BCAR3: variants seen among roughly 807,000 people sequenced by gnomAD.
BCAR3 encodes the protein breast cancer anti-estrogen resistance protein 3.
A neutral mutation model predicts 80.1 loss-of-function variants in BCAR3; 37 were observed. The ratio of observed to expected loss-of-function variants is 0.46; its 90% CI spans 0.36 to 0.61. The LOEUF (loss-of-function observed/expected upper bound fraction) is 0.61. BCAR3 is among the 20% of genes least tolerant of loss of function. The probability of loss-of-function intolerance (pLI) is 0.00; values close to 1 mark genes in which losing one functional copy is unlikely to be tolerated. For synonymous variants in BCAR3, 389 were observed against 418.9 expected (o/e 0.93, Z 0.87); for missense variants, 978 against 1,068.2 (o/e 0.92, Z 1.18).
intron 2 of BCAR3, among the ~76,000 whole-genome samples, chr1:93,733,070 T>C (rs1184258097): frequency 6.6e-6 from 1 of 152,170 alleles, no homozygotes; most frequent in Non-Finnish European, 1.5e-5. Context: ...TACCAGGTCT[T>C]CTACCAGAGC....
intron 3 of BCAR3, among the ~76,000 whole-genome samples, chr1:93,605,964 T>C (rs1343652197): frequency 6.6e-6 from 1 of 152,112 alleles, no homozygotes; most frequent in African/African-American, 2.4e-5. Context: ...AAATTCTCTC[T>C]CTCCAAAATA....
At chr1:93,813,823 T>G (rs1653928657) in intron 2 of BCAR3, among the ~76,000 whole-genome samples, 1 of 152,224 alleles carries the variant, frequency 6.6e-6, no homozygotes, top group African/African-American at 2.4e-5. Flanking sequence ...GTATTGCTTT[T>G]TTCTCAGCCC....
rs17110107 is a variant in BCAR3 at position 93,576,037 on chromosome 1, C to T, written c.1779G>A (p.Gln593=). 8.7e-6 allele frequency: 14 copies of T among 1,614,180 alleles called. 2 individuals are homozygous for T. Among genetic ancestry groups the T allele is most frequent in the Non-Finnish European group, 1.2e-5 (14 of 1,180,038 alleles). The change falls in exon 8 of 12, where the codon CAG becomes CAA. Residue 593 remains glutamine, a synonymous_variant. Coordinates refer to ENST00000260502, the MANE Select transcript of BCAR3 (RefSeq NM_003567.4). ...ACCTTTCAATTATGTCCAGGCGCAG[C>T]TGGTGTCCGTGAGGCAAGGTAATGA... ...LELITLPHGH[Q]LRLDIIERHN...
At position 93,621,592 on chromosome 1, in the gene BCAR3, G is replaced by A. The variant is rs236310; in HGVS notation, c.357+20712C>T. Among the ~76,000 whole-genome samples the A allele has an allele frequency of 8.1e-3, 1,236 of 152,316 alleles. 16 individuals carry two copies. Among genetic ancestry groups the A allele is most frequent in the African/African-American group, 0.028 (1,152 of 41,562 alleles). On this transcript the variant is annotated intron_variant, in intron 3 of 11. Transcript: ENST00000260502. ...AGCAGGGATGTGGCTGGTAAGAGGA[G>A]GGGATAGATAGCCTTGAGGCAAGTA...
At chr1:93,595,810 C>A (rs1674396092) in intron 3 of BCAR3, among the ~76,000 whole-genome samples, 1 of 152,170 alleles carries the variant, frequency 6.6e-6, no homozygotes, top group African/African-American at 2.4e-5. Flanking sequence ...TTCTTGGGGA[C>A]CAGAAATGAG....
At chr1:93,716,541 C>T (rs1030915921) in intron 2 of BCAR3, among the ~76,000 whole-genome samples, 13 of 152,278 alleles carry the variant, frequency 8.5e-5, no homozygotes, top group Admixed American at 5.9e-4. Context: ...TTCCCCAAAA[C>T]CAGGCCCTAA....
chr1:93,660,907 A>T (rs1647618757), intron 2 of BCAR3, among the ~76,000 whole-genome samples: 1 of 129,880 alleles, frequency 7.7e-6, no homozygotes, highest in African/African-American at 3.0e-5. Context: ...ACGGAGTTTC[A>T]CTCTTGTTGC....
At chr1:93,835,171 C>T (rs185667586) in intron 2 of BCAR3, among the ~76,000 whole-genome samples, 8 of 152,262 alleles carry the variant, frequency 5.3e-5, no homozygotes, top group Admixed American at 2.6e-4. Context: ...CCTTCCATGT[C>T]CTACACCACT....
chr1:93,675,716 A>C (rs1648445320), intron 1 of BCAR3, among the ~76,000 whole-genome samples: 1 of 152,092 alleles, frequency 6.6e-6, no homozygotes, highest in African/African-American at 2.4e-5. Flanking sequence ...TGGGGGGCAA[A>C]GGAAGCATGG....
chr1:93,576,930 G>A (rs1182093351), intron 7 of BCAR3, among the ~76,000 whole-genome samples: 1 of 152,138 alleles, frequency 6.6e-6, no homozygotes, highest in Non-Finnish European at 1.5e-5. Flanking sequence ...CAAGGTGGGG[G>A]GACTGCTTGA....
intron 1 of BCAR3, among the ~76,000 whole-genome samples, chr1:93,846,053 G>GT (rs1330835441): frequency 6.6e-6 from 1 of 152,196 alleles, no homozygotes; most frequent in East Asian, 1.9e-4. Context: ...CCCTACACGA[G>GT]TTTTTTAACC....
chr1:93,751,947 T>A (rs1447315820), intron 2 of BCAR3, among the ~76,000 whole-genome samples: 1 of 152,232 alleles, frequency 6.6e-6, no homozygotes, highest in East Asian at 1.9e-4. Flanking sequence ...GATAGACGCA[T>A]GTGATTTTGA....
chr1:93,716,980 A>C (rs1281841940), intron 2 of BCAR3, among the ~76,000 whole-genome samples: 1 of 152,218 alleles, frequency 6.6e-6, no homozygotes, highest in Non-Finnish European at 1.5e-5. Flanking sequence ...TTCTATCAAC[A>C]GGTGGAATCA....
intron 3 of BCAR3, among the ~76,000 whole-genome samples, chr1:93,695,968 T>A (rs576435030): frequency 1.3e-5 from 2 of 152,230 alleles, no homozygotes; most frequent in African/African-American, 4.8e-5. Context: ...CATATCCAGG[T>A]CCTGCACTTG....
intron 2 of BCAR3, among the ~76,000 whole-genome samples, chr1:93,740,929 T>C (rs1222140786): frequency 6.6e-6 from 1 of 152,180 alleles, no homozygotes; most frequent in Non-Finnish European, 1.5e-5. Context: ...AGCCCTTAGA[T>C]GCAAGCGCGT....
At chr1:93,762,341 C>A (rs1651976866) in intron 2 of BCAR3, among the ~76,000 whole-genome samples, 1 of 152,234 alleles carries the variant, frequency 6.6e-6, no homozygotes, top group African/African-American at 2.4e-5. Flanking sequence ...GTCCCCAGCT[C>A]TGCTCTGTGC....
chr1:93,618,265 G>A lies in BCAR3; in HGVS notation c.357+24039C>T, dbSNP rs576679807. 2.6e-4 allele frequency among the ~76,000 whole-genome samples: 40 copies of A among 152,338 alleles called. 1 individual carries two copies. In the South Asian group the frequency reaches 3.3e-3, roughly 13 times the overall value. On this transcript the variant is annotated intron_variant, in intron 3 of 11. Transcript: ENST00000260502. ...GTGTATTGCTGTGGACAAGACGTTCGCCTGCCCTGGTGAACACAGACAGTA... is the reference window on the plus strand; with the variant it reads ...GTGTATTGCTGTGGACAAGACGTTCACCTGCCCTGGTGAACACAGACAGTA...
At chr1:93,790,363 C>A (rs1483892372) in intron 2 of BCAR3, among the ~76,000 whole-genome samples, 1 of 152,054 alleles carries the variant, frequency 6.6e-6, no homozygotes, top group Non-Finnish European at 1.5e-5. Flanking sequence ...GTTGATTTAT[C>A]CAGAACTGTA....
intron 2 of BCAR3, among the ~76,000 whole-genome samples, chr1:93,728,780 C>A (rs1189780010): frequency 6.6e-6 from 1 of 152,190 alleles, no homozygotes; most frequent in Non-Finnish European, 1.5e-5. Context: ...CACCGATCTG[C>A]TTCTCTCAAC....
Sources: allele counts gnomAD v4.1 joint callset (sites outside exome capture counted in the v4.1 genomes callset), GRCh38; gene constraint gnomAD v4.1.1; transcripts MANE v1.5; gene names NCBI Gene and HGNC (gene_info 2026-07-23, HGNC 2026-07-21).